Variants in ZNF33A observed in about 807,000 individuals in gnomAD.
ZNF33A encodes brain my041 protein.
ZNF33A carries 9 observed loss-of-function variants against 15.9 expected under a neutral mutation model. The observed-to-expected ratio is 0.57, with a 90% CI of 0.34 to 0.99. ZNF33A has a LOEUF of 0.99. ZNF33A is among the 50% of genes least tolerant of loss of function. ZNF33A has a pLI of 0.02. For synonymous variants in ZNF33A, 294 were observed against 324.2 expected (o/e 0.91, Z 1.00); for missense variants, 843 against 941.6 (o/e 0.90, Z 1.37).
chr10:38,037,757 A>G (rs568227227), intron 4 of ZNF33A, among the ~76,000 whole-genome samples: 2 of 152,310 alleles, frequency 1.3e-5, no homozygotes, highest in East Asian at 3.9e-4. Context: ...GTATCATACC[A>G]TCTTGATTAT....
intron 2 of ZNF33A, chr10:38,015,861 GT>G (rs1241366786): frequency 2.0e-6 from 1 of 497,958 alleles, no homozygotes; most frequent in African/African-American, 2.0e-5. Context: ...TGTAAATGTT[GT>G]TTTGTCCTTT....
chr10:38,033,743 C>T (rs952637694), intron 4 of ZNF33A, among the ~76,000 whole-genome samples: 3 of 149,140 alleles, frequency 2.0e-5, no homozygotes, highest in African/African-American at 7.4e-5. Context: ...GATGGAGTCT[C>T]GCTCTGTTTG....
chr10:38,047,604 G>A (rs1251919453), intron 4 of ZNF33A, among the ~76,000 whole-genome samples: 2 of 102,670 alleles, frequency 1.9e-5, no homozygotes, highest in Non-Finnish European at 3.6e-5. Context: ...CCAGCCTGGC[G>A]ATAGAGCAAG....
At chr10:38,012,425 GTTT>G (rs10716292) in intron 2 of ZNF33A, 75 bp downstream of exon 2, 12,653 of 523,294 alleles carry the variant, frequency 0.024, no homozygotes, top group East Asian at 0.032. Flanking sequence ...TATGGTGTTT[GTTT>G]TTTTTTTTTT....
chr10:38,055,549 G>A lies in ZNF33A; in HGVS notation c.1425G>A (p.Gly475=). The A allele has an allele frequency of 6.2e-7, 1 of 1,614,026 alleles. No individual in the cohort carries two copies. Among genetic ancestry groups the A allele is most frequent in the Non-Finnish European group, 8.5e-7 (1 of 1,179,992 alleles). Reference sequence around the variant, plus strand: ...AACCTTTTGAATGTCTTGAGTGTGGGAAATCCTTTAGTGAAAAGTCAAATC... The same window carrying A: ...AACCTTTTGAATGTCTTGAGTGTGGAAAATCCTTTAGTGAAAAGTCAAATC... The part of the protein sequence containing the change: ...GEKPFECLEC[G]KSFSEKSNLT... The change falls in exon 5 of 5, where the codon GGG becomes GGA. Residue 475 remains glycine, a synonymous_variant. Transcript: ENST00000432900.
At chr10:38,053,139 T>G (rs2135752385) in intron 4 of ZNF33A, among the ~76,000 whole-genome samples, 1 of 152,278 alleles carries the variant, frequency 6.6e-6, no homozygotes, top group Non-Finnish European at 1.5e-5. Context: ...CAGTCAAGTG[T>G]AGTTTCCCCT....
intron 4 of ZNF33A, among the ~76,000 whole-genome samples, chr10:38,046,326 A>G (rs1271900539): frequency 2.0e-5 from 3 of 152,302 alleles, no homozygotes; most frequent in South Asian, 2.1e-4. Context: ...ACAGTACACA[A>G]TACTCACATA....
At chr10:38,045,338 T>C (rs2065900962) in intron 4 of ZNF33A, among the ~76,000 whole-genome samples, 1 of 152,176 alleles carries the variant, frequency 6.6e-6, no homozygotes, top group South Asian at 2.1e-4. Flanking sequence ...TGAGTGTCTC[T>C]TTCTGTGATT....
intron 4 of ZNF33A, among the ~76,000 whole-genome samples, chr10:38,026,844 G>A (rs192432921): frequency 6.6e-5 from 10 of 152,140 alleles, no homozygotes; most frequent in Admixed American, 4.6e-4. Flanking sequence ...GCCATTAAGC[G>A]GTAACTACTC....
At chr10:38,018,406 A>C (rs1471887994) in intron 4 of ZNF33A, among the ~76,000 whole-genome samples, 2 of 152,168 alleles carry the variant, frequency 1.3e-5, no homozygotes, top group Non-Finnish European at 2.9e-5. Context: ...CCAAAAAGTC[A>C]CAGTGGCTGA....
chr10:38,026,376 C>T (rs531229109), intron 4 of ZNF33A, among the ~76,000 whole-genome samples: 1 of 152,158 alleles, frequency 6.6e-6, no homozygotes, highest in Non-Finnish European at 1.5e-5. Context: ...ACCCTGTCGC[C>T]CAGACTGGAG....
chr10:38,018,653 T>A (rs2064578387), intron 4 of ZNF33A, among the ~76,000 whole-genome samples: 1 of 152,188 alleles, frequency 6.6e-6, no homozygotes, highest in South Asian at 2.1e-4. Flanking sequence ...GTAGTTTTCC[T>A]TATGAGTGAT....
downstream of ZNF33A, chr10:38,064,473 TC>T (rs2066690267): frequency 3.7e-6 from 1 of 267,948 alleles, no homozygotes; most frequent in Non-Finnish European, 7.0e-6. Flanking sequence ...TGAAACCAAA[TC>T]TAAGTGGGAA....
intron 4 of ZNF33A, among the ~76,000 whole-genome samples, chr10:38,042,696 G>A (rs688608): frequency 0.82 from 124,223 of 152,030 alleles, 51,080 homozygotes; most frequent in South Asian, 0.93. Context: ...GACTATAGGT[G>A]TGCACCACTG....
intron 4 of ZNF33A, among the ~76,000 whole-genome samples, chr10:38,028,754 C>G (rs1398447697): frequency 3.3e-5 from 5 of 152,162 alleles, no homozygotes; most frequent in Non-Finnish European, 7.3e-5. Flanking sequence ...AGGCATGAGC[C>G]CACCATGCCT....
At chr10:38,043,042 C>G (rs576895840) in intron 4 of ZNF33A, among the ~76,000 whole-genome samples, 1 of 152,266 alleles carries the variant, frequency 6.6e-6, no homozygotes, top group East Asian at 1.9e-4. Context: ...TGTTTGAAAT[C>G]ACTTGTTTTC....
chr10:38,050,222 G>A (rs1277494317), intron 4 of ZNF33A, among the ~76,000 whole-genome samples: 8 of 152,132 alleles, frequency 5.3e-5, no homozygotes, highest in South Asian at 4.1e-4. Context: ...GCTATAGACC[G>A]GTGTCCTTCA....
rs369049748 is a variant in ZNF33A, at chr10:38,058,414, C to G, written c.*1854C>G. ...TTGCAAGACGCATTCTCTCAAAGCTCACACAAGATAGACCTCAATAGGCAT... is the reference window on the plus strand; with the variant it reads ...TTGCAAGACGCATTCTCTCAAAGCTGACACAAGATAGACCTCAATAGGCAT... On this transcript the variant is annotated 3_prime_UTR_variant, in exon 5 of 5. Coordinates refer to ENST00000432900, the MANE Select transcript of ZNF33A (RefSeq NM_006954.2). The G allele has an allele frequency of 2.0e-5, 3 of 152,250 alleles. No homozygotes were observed. In the East Asian group the frequency reaches 5.8e-4, roughly 29 times the overall value. 9.4% of individuals were successfully genotyped at this position (152,250 alleles called of 1,614,324 possible). A position where few individuals can be genotyped will look rare whatever the true frequency, so the allele number is the denominator to read the frequency against.
chr10:38,023,041 G>T (rs1209629884), intron 4 of ZNF33A, among the ~76,000 whole-genome samples: 1 of 152,154 alleles, frequency 6.6e-6, no homozygotes, highest in Non-Finnish European at 1.5e-5. Flanking sequence ...TGCCTCCCGG[G>T]TTCAGATGAT....
Sources: allele counts gnomAD v4.1 joint callset (sites outside exome capture counted in the v4.1 genomes callset), GRCh38; gene constraint gnomAD v4.1.1; transcripts MANE v1.5; gene names NCBI Gene and HGNC (gene_info 2026-07-23, HGNC 2026-07-21).